PRC1: variants seen among roughly 807,000 people sequenced by gnomAD.
The protein encoded by PRC1 is anaphase spindle elongation 1 homolog.
PRC1 carries 54 observed loss-of-function variants against 91.2 expected under a neutral mutation model. The observed-to-expected ratio is 0.59, with a 90% confidence interval of 0.48 to 0.74. The LOEUF is 0.74. Ranked by LOEUF, PRC1 falls within the 30% of genes least tolerant of loss-of-function variation. PRC1 has a pLI of 0.00. For missense variants in PRC1, 727 were observed against 746.2 expected (o/e 0.97, Z 0.30); for synonymous variants, 275 against 263.6 (o/e 1.04, Z -0.42).
chr15:90,981,030 C>T lies in PRC1; in HGVS notation c.676G>A (p.Glu226Lys). Residue 226 changes from glutamate (E) to lysine (K), a missense_variant, in exon 6 of 15, where the codon GAA becomes AAA. By Grantham distance (56) the Glu-to-Lys change is moderately conservative. Transcript: ENST00000394249. ...ATLQKLLRQL[E>K]MQKSQNEAVC... ...GCTTCATTTTGTGATTTCTGCATTT[C>T]CAGCTACAGCATAGAAAGCCAGTGT... The T allele has an allele frequency of 6.2e-7, 1 of 1,614,120 alleles. No homozygotes were observed. Among genetic ancestry groups the T allele is most frequent in the Non-Finnish European group, 8.5e-7 (1 of 1,180,026 alleles).
intron 1 of PRC1, chr15:90,987,716 G>C (rs2039686398): frequency 6.6e-6 from 1 of 152,136 alleles, no homozygotes; most frequent in African/African-American, 2.4e-5. Context: ...GAAGCCTGCA[G>C]CAAATCACCT....
chr15:90,981,613 T>C lies in PRC1; in HGVS notation c.558A>G (p.Glu186=), dbSNP rs1250200436. Residue 186 remains glutamate (E), a synonymous_variant, in exon 5 of 15, where the codon GAA becomes GAG. Transcript: ENST00000394249. ...SIKRQIILCM[E]ALDHTPDTSF... ...TTGTGTCTGGGGTGTGGTCTAATGC[T>C]TCCATACACAGTATGATCTGTCTCT... The C allele has an allele frequency of 6.2e-7, 1 of 1,614,024 alleles. No individual in the cohort carries two copies. The highest frequency in any genetic ancestry group is 1.7e-5 in the Admixed American group (1 of 60,012).
chr15:90,977,538 C>T (rs2038825847), intron 8 of PRC1, among the ~76,000 whole-genome samples: 1 of 147,762 alleles, frequency 6.8e-6, no homozygotes, highest in South Asian at 2.1e-4. Flanking sequence ...TAAATATTGG[C>T]ATGTCAACAA....
At chr15:90,967,357 G>T (rs953007810) in intron 14 of PRC1, 155 bp from the exon 15 acceptor site, 2 of 639,964 alleles carry the variant, frequency 3.1e-6, no homozygotes, top group Non-Finnish European at 5.6e-6. Flanking sequence ...AAAAGGTGAG[G>T]AACTCTGAGC....
intron 11 of PRC1, chr15:90,973,086 C>T (rs554294988): frequency 6.6e-6 from 1 of 152,454 alleles, no homozygotes; most frequent in African/African-American, 2.4e-5. Flanking sequence ...TTTCCCATCT[C>T]TGCAGGACAG....
chr15:90,994,000 T>A (rs1463025622), intron 1 of PRC1, among the ~76,000 whole-genome samples: 1 of 152,038 alleles, frequency 6.6e-6, no homozygotes, highest in Non-Finnish European at 1.5e-5. Context: ...CCACAGAAGG[T>A]TTACAACGAG....
chr15:90,988,615 T>C (rs985819437), intron 1 of PRC1: 4 of 152,192 alleles, frequency 2.6e-5, no homozygotes, highest in Admixed American at 2.6e-4. Context: ...ATAAACCACA[T>C]GCAACTCTCA....
At chr15:90,990,986 T>C (rs1189672767) in intron 1 of PRC1, among the ~76,000 whole-genome samples, 1 of 150,518 alleles carries the variant, frequency 6.6e-6, no homozygotes, top group Non-Finnish European at 1.5e-5. Context: ...ACCATGTTGG[T>C]CAGGCTGGTC....
chr15:90,985,074 T>G (rs1024661988), intron 1 of PRC1, among the ~76,000 whole-genome samples: 8 of 152,220 alleles, frequency 5.3e-5, no homozygotes, highest in Admixed American at 1.3e-4. Context: ...TCAACAATGA[T>G]CTACCTATGG....
Position 90,980,218 on chromosome 15 carries a change from C to G in PRC1, c.970+24G>C, listed in dbSNP as rs1158284584. ...AAGACCTGTCTCCAAACAAACAAAC[C>G]AAAGACCTCACTCTTGTACTAACCA... On this transcript the variant is annotated intron_variant, in intron 7 of 14. Coordinates refer to ENST00000394249, the MANE Select transcript of PRC1 (RefSeq NM_003981.4). The G allele has an allele frequency of 1.0e-5, 16 of 1,569,384 alleles. No individual in the cohort carries two copies. The Middle Eastern group carries it at 6.8e-4, about 67-fold the overall frequency.
At chr15:90,986,642 AAATG>A (rs2151587416) in intron 1 of PRC1, among the ~76,000 whole-genome samples, 1 of 152,356 alleles carries the variant, frequency 6.6e-6, no homozygotes, top group South Asian at 2.1e-4. Flanking sequence ...TCAAAAAAGA[AAATG>A]AACACACTAC....
Position 90,969,587 on chromosome 15 carries a change from G to GTGTT in PRC1, c.1605_1608dup (p.Pro537AsnfsTer38). ...TTGGCTCCATGCCTGCCAGTACGGGGTGTTTTCTTCCCTGAACAGGTGGAA... is the reference window on the plus strand; with the variant it reads ...TTGGCTCCATGCCTGCCAGTACGGGGTGTTTGTTTTCTTCCCTGAACAGGTGGAA... On this transcript the variant is annotated frameshift_variant, in exon 13 of 15. Coordinates refer to ENST00000394249, the MANE Select transcript of PRC1 (RefSeq NM_003981.4). LOFTEE classifies it high-confidence loss of function. The GTGTT allele has an allele frequency of 6.2e-7, 1 of 1,612,744 alleles. No homozygotes were observed.
Position 90,966,803 on chromosome 15 carries a change from C to T in PRC1, c.*328G>A, listed in dbSNP as rs547268240. The T allele has an allele frequency of 1.1e-4, 47 of 442,012 alleles. No homozygotes were observed. The highest frequency in any genetic ancestry group is 8.8e-4 in the African/African-American group (44 of 50,208). 27.4% of individuals were successfully genotyped at this position (442,012 alleles called of 1,614,324 possible). On this transcript the variant is annotated 3_prime_UTR_variant, in exon 15 of 15. Transcript: ENST00000394249. ...AGGGATGGGCATAGTCAATCATTTT[C>T]CTACAGTGGTGAAATAAAACAAGCT...
In PRC1 at chr15:90,974,141, G is replaced by A. The variant is rs759874634; in HGVS notation, c.1456C>T (p.Arg486Cys). The A allele has an allele frequency of 1.1e-5, 17 of 1,613,346 alleles. No homozygotes were observed. In the East Asian group the frequency reaches 1.6e-4, roughly 15 times the overall value. Residue 486 changes from arginine to cysteine, a missense_variant, in exon 11 of 15, where the codon CGT (arginine) becomes TGT (cysteine). Physicochemically the swap from Arg to Cys is radical, Grantham distance 180. Transcript: ENST00000394249. The surrounding 1 kb of genome is among the most constrained non-coding windows in gnomAD (Gnocchi z 4.6). ...GLAPNTPGKA[R>C]KLNTTTMSNA... The stretch of plus-strand genomic sequence containing the variant: ...TCCCTAAGCCTTGTGTTTACCTTAC[G>A]TGCTTTGCCCGGTGTATTGGGAGCC...
chr15:90,979,077 G>T (rs756286202), intron 8 of PRC1, 81 bp downstream of exon 8: 13 of 1,466,620 alleles, frequency 8.9e-6, no homozygotes, highest in Non-Finnish European at 1.2e-5. Context: ...CAAAAGCCTG[G>T]CAAAGAACAA....
chr15:90,980,909 C>G lies in PRC1; in HGVS notation c.797G>C (p.Gly266Ala), dbSNP rs1283114881. 6.2e-7 allele frequency: 1 copy of G among 1,614,058 alleles called. No homozygotes were observed. The highest frequency in any genetic ancestry group is 1.3e-5 in the African/African-American group (1 of 74,910). ...EREAVATIMS[G>A]SKAKVRKALQ... ...CGCTTTCCGGACCTTGGCCTTTGAC[C>G]CAGACATAATGGTGGCCACAGCTTC... Residue 266 changes from glycine (G) to alanine (A), a missense_variant, in exon 6 of 15, where the codon GGG becomes GCG. Transcript: ENST00000394249.
rs192638360 is a variant in PRC1, at chr15:90,966,921, A to T, written c.*210T>A. ...TTCTTGCCATAAACTTTTCATGTAT[A>T]TAAGTCAAAACCAAGTCTCCTAGGA... On this transcript the variant is annotated 3_prime_UTR_variant, in exon 15 of 15. Transcript: ENST00000394249. 1 of 585,750 alleles carries T rather than the reference A, an allele frequency of 1.7e-6. No individual in the cohort carries two copies. The highest frequency in any genetic ancestry group is 3.0e-6 in the Non-Finnish European group (1 of 329,144). The allele number at this position is 585,750 out of a possible 1,614,324, so 36.3% of individuals were successfully genotyped here.
intron 8 of PRC1, among the ~76,000 whole-genome samples, chr15:90,976,979 A>T (rs2038761762): frequency 6.6e-6 from 1 of 152,174 alleles, no homozygotes; most frequent in African/African-American, 2.4e-5. Flanking sequence ...AATAATAAAA[A>T]AATTAGCGAG....
rs2037493291 is a variant in PRC1, at chr15:90,966,416, G to A, written c.*715C>T. On this transcript the variant is annotated 3_prime_UTR_variant, in exon 15 of 15. Transcript: ENST00000394249. ...GCAACTGCGGGGGTAGAAGAACTCA[G>A]GCAAAGTAGGCACAGGAATGGGGGA... The A allele has an allele frequency of 2.9e-6, 1 of 346,500 alleles. No homozygotes were observed. Among genetic ancestry groups the A allele is most frequent in the African/African-American group, 2.1e-5 (1 of 46,550 alleles). 21.5% of individuals were successfully genotyped at this position (346,500 alleles called of 1,614,324 possible).
Sources: gnomAD v4.1 joint callset for allele counts (sites outside exome capture counted in the v4.1 genomes callset) on GRCh38, gnomAD v4.1.1 for gene constraint, Gnocchi (gnomAD v3.1) non-coding constraint, MANE v1.5 for transcripts, NCBI Gene and HGNC (gene_info 2026-07-23, HGNC 2026-07-21) for gene names.